The following BRINP3 variants were observed in gnomAD, a reference collection of about 807,000 sequenced individuals.
The protein encoded by BRINP3 is BMP/retinoic acid inducible neural specific 3, also known as BMP/retinoic acid-inducible neural-specific protein 3.
In BRINP3, 19 loss-of-function variants were observed where a neutral mutation model predicts 71.0. The ratio of observed to expected loss-of-function variants is 0.27; its 90% CI spans 0.19 to 0.39. The LOEUF is 0.39. Ranked by LOEUF, BRINP3 falls within the 10% of genes least tolerant of loss-of-function variation. The pLI is 1.00. For missense variants in BRINP3, 959 were observed against 940.8 expected, an observed-to-expected ratio of 1.02 and a Z score of -0.25; for synonymous variants, 380 against 337.7, an observed-to-expected ratio of 1.13 and a Z score of -1.37.
At chr1:190,452,867 A>T (rs1675713514) in intron 2 of BRINP3, among the ~76,000 whole-genome samples, 1 of 152,142 alleles carries the variant, frequency 6.6e-6, no homozygotes, top group Non-Finnish European at 1.5e-5. Flanking sequence ...AAAAAAACAT[A>T]AACAAAAACA....
chr1:190,368,222 C>T (rs1230003470), intron 2 of BRINP3, among the ~76,000 whole-genome samples: 2 of 152,082 alleles, frequency 1.3e-5, no homozygotes, highest in Non-Finnish European at 2.9e-5. Context: ...GGGAAGTAAA[C>T]ATGTCCTTCT....
At chr1:190,234,238 T>C (rs1658297925) in intron 5 of BRINP3, 134 bp downstream of exon 5, 5 of 487,482 alleles carry the variant, frequency 1.0e-5, no homozygotes, top group Non-Finnish European at 1.8e-5. Flanking sequence ...AGTTAAATTA[T>C]GAAATTAGCC....
intron 6 of BRINP3, among the ~76,000 whole-genome samples, chr1:190,197,015 G>A (rs533990796): frequency 1.5e-4 from 22 of 151,570 alleles, no homozygotes; most frequent in African/African-American, 3.6e-4. Context: ...TCATAGGAGC[G>A]ACCTGGCAAT....
chr1:190,301,406 T>G (rs1664730536), intron 2 of BRINP3, among the ~76,000 whole-genome samples: 1 of 150,668 alleles, frequency 6.6e-6, no homozygotes, highest in Admixed American at 6.6e-5. Context: ...AGTGTTATAT[T>G]TTCACTTCAC....
chr1:190,353,717 A>T (rs1668548218), intron 2 of BRINP3, among the ~76,000 whole-genome samples: 3 of 151,872 alleles, frequency 2.0e-5, no homozygotes, highest in Admixed American at 1.3e-4. Flanking sequence ...CTTCCCAGAA[A>T]CCTCAACTTA....
chr1:190,261,237 G>C, intron 4 of BRINP3, among the ~76,000 whole-genome samples: 1 of 151,958 alleles, frequency 6.6e-6, no homozygotes, highest in East Asian at 1.9e-4. Context: ...AAATATGTTA[G>C]TATAATTTTT....
At chr1:190,135,155 T>C (rs1202407358) in intron 7 of BRINP3, among the ~76,000 whole-genome samples, 1 of 152,104 alleles carries the variant, frequency 6.6e-6, no homozygotes, top group Non-Finnish European at 1.5e-5. Flanking sequence ...ACTGCATTTG[T>C]GATAACAAAT....
chr1:190,316,834 A>T (rs1349296790), intron 2 of BRINP3, among the ~76,000 whole-genome samples: 1 of 152,164 alleles, frequency 6.6e-6, no homozygotes, highest in East Asian at 1.9e-4. Context: ...GAAAAAGAGT[A>T]TGAAGGACTT....
intron 4 of BRINP3, among the ~76,000 whole-genome samples, chr1:190,240,060 AT>A (rs972341967): frequency 4.6e-5 from 7 of 151,636 alleles, no homozygotes; most frequent in Admixed American, 4.6e-4. Flanking sequence ...ATTATCTTCT[AT>A]TTATTAGATA....
chr1:190,184,061 G>A (rs1409848224), intron 6 of BRINP3, among the ~76,000 whole-genome samples: 1 of 151,976 alleles, frequency 6.6e-6, no homozygotes, highest in African/African-American at 2.4e-5. Context: ...TGATATATGA[G>A]GCAAAAAATA....
intron 2 of BRINP3, among the ~76,000 whole-genome samples, chr1:190,416,584 C>T (rs1171042): frequency 0.73 from 111,545 of 152,014 alleles, 41,300 homozygotes; most frequent in Non-Finnish European, 0.79. Flanking sequence ...TGTCCACAGA[C>T]TTTCATAACA....
At chr1:190,414,813 A>G (rs1672908997) in intron 2 of BRINP3, among the ~76,000 whole-genome samples, 1 of 152,202 alleles carries the variant, frequency 6.6e-6, no homozygotes, top group Non-Finnish European at 1.5e-5. Context: ...CATGGAACTA[A>G]CAACTAAAGA....
At chr1:190,450,944 T>C (rs928030129) in intron 2 of BRINP3, among the ~76,000 whole-genome samples, 1 of 152,068 alleles carries the variant, frequency 6.6e-6, no homozygotes, top group Non-Finnish European at 1.5e-5. Context: ...CCTTAGTCAT[T>C]TTTTAAATAT....
intron 2 of BRINP3, among the ~76,000 whole-genome samples, chr1:190,432,940 A>T (rs1445899850): frequency 1.3e-5 from 2 of 152,200 alleles, no homozygotes; most frequent in East Asian, 3.8e-4. Flanking sequence ...TTTTATGAAA[A>T]ATACATAGTT....
At chr1:190,405,180 A>G (rs1315898523) in intron 2 of BRINP3, among the ~76,000 whole-genome samples, 4 of 152,228 alleles carry the variant, frequency 2.6e-5, no homozygotes, top group African/African-American at 4.8e-5. Context: ...GGCCGGGCAC[A>G]GTGGCTCACG....
Position 190,193,747 on chromosome 1 carries a change from T to C in BRINP3, c.961+32335A>G, listed in dbSNP as rs145996807. 4.3e-3 allele frequency among the ~76,000 whole-genome samples: 657 copies of C among 152,214 alleles called. 2 individuals are homozygous for C. The highest frequency in any genetic ancestry group is 0.015 in the African/African-American group (628 of 41,570). On this transcript the variant is annotated intron_variant, in intron 6 of 7. Transcript: ENST00000367462. ...AACTGTAAACTCTTTCCCTGTTCCT[T>C]TGAGATGCAAATCTACTCCCAGACT...
At chr1:190,249,474 C>T (rs1051706059) in intron 4 of BRINP3, among the ~76,000 whole-genome samples, 1 of 151,420 alleles carries the variant, frequency 6.6e-6, no homozygotes, top group South Asian at 2.1e-4. Flanking sequence ...CTTATTAAAA[C>T]AAAAAAATTA....
intron 2 of BRINP3, among the ~76,000 whole-genome samples, chr1:190,282,268 T>C (rs1186134552): frequency 6.6e-6 from 1 of 151,590 alleles, no homozygotes; most frequent in Admixed American, 6.6e-5. Context: ...TTAATAATCA[T>C]GGTTTACAAC....
intron 2 of BRINP3, among the ~76,000 whole-genome samples, chr1:190,372,701 T>G (rs1399204412): frequency 6.6e-6 from 1 of 152,190 alleles, no homozygotes; most frequent in East Asian, 1.9e-4. Flanking sequence ...CTTCTAATCG[T>G]TTCTAAGGCA....
Sources: allele counts gnomAD v4.1 joint callset (sites outside exome capture counted in the v4.1 genomes callset), GRCh38; gene constraint gnomAD v4.1.1; transcripts MANE v1.5; gene names NCBI Gene and HGNC (gene_info 2026-07-23, HGNC 2026-07-21).